FANCD2: variants seen among roughly 807,000 people sequenced by gnomAD.
FANCD2 encodes the protein FA complementation group D2.
FANCD2 carries 131 observed loss-of-function variants against 192.3 expected under a neutral mutation model. The observed-to-expected ratio is 0.68, with a 90% CI of 0.59 to 0.79. The LOEUF (loss-of-function observed/expected upper bound fraction) is 0.79. Ranked by LOEUF, FANCD2 falls within the 30% of genes least tolerant of loss-of-function variation. FANCD2 has a pLI of 0.00. For missense variants in FANCD2, 1,508 were observed against 1,701.6 expected, an observed-to-expected ratio of 0.89 and a Z score of 2.00; for synonymous variants, 524 against 612.5, an observed-to-expected ratio of 0.86 and a Z score of 2.13.
rs372639953 is a variant in FANCD2 at position 10,041,905 on chromosome 3, GT to G, written c.783+206del. Among the ~76,000 whole-genome samples the G allele has an allele frequency of 0.13, 18,665 of 138,318 alleles. 1,911 individuals carry two copies. Among genetic ancestry groups the G allele is most frequent in the African/African-American group, 0.3 (11,410 of 38,098 alleles). 90.7% of individuals were successfully genotyped at this position (138,318 alleles called of 152,430 possible). A position where few individuals can be genotyped will look rare whatever the true frequency, so the allele number is the denominator to read the frequency against. On this transcript the variant is annotated intron_variant, in intron 10 of 43. Coordinates refer to ENST00000675286, the MANE Select transcript of FANCD2 (RefSeq NM_001018115.3). ...TATTCTATGGTAGAGTCACAGGTCTGTTTTTTTTTTTGAGACGGAGTATCAC... is the reference window on the plus strand; with the variant it reads ...TATTCTATGGTAGAGTCACAGGTCTGTTTTTTTTTTGAGACGGAGTATCAC...
chr3:10,096,569 C>A (rs2125095958), intron 42 of FANCD2, 97 bp downstream of exon 42: 1 of 1,120,224 alleles, frequency 8.9e-7, no homozygotes, highest in Non-Finnish European at 1.4e-6. Context: ...CCTCGTCTCT[C>A]AGTAAGGCTA....
chr3:10,056,583 G>A lies in FANCD2; in HGVS notation c.1657-3711G>A, dbSNP rs577209479. On this transcript the variant is annotated intron_variant, in intron 18 of 43. Coordinates refer to ENST00000675286, the MANE Select transcript of FANCD2 (RefSeq NM_001018115.3). Reference sequence around the variant, plus strand: ...GTCTTATTCTGTTACCCAAGCTGCAGTGCAGTGGCGTGATCATACTTCACT... The same window carrying A: ...GTCTTATTCTGTTACCCAAGCTGCAATGCAGTGGCGTGATCATACTTCACT... Among the ~76,000 whole-genome samples the A allele has an allele frequency of 1.5e-3, 232 of 152,046 alleles. 2 individuals carry two copies. Among genetic ancestry groups the A allele is most frequent in the African/African-American group, 5.5e-3 (229 of 41,468 alleles).
chr3:10,076,314 G>A (rs572252903), intron 29 of FANCD2, among the ~76,000 whole-genome samples: 6 of 151,498 alleles, frequency 4.0e-5, no homozygotes, highest in Admixed American at 3.3e-4. Flanking sequence ...CCTGTGTGTG[G>A]CATTCAAAGT....
intron 2 of FANCD2, among the ~76,000 whole-genome samples, chr3:10,031,035 C>A (rs920185021): frequency 6.6e-6 from 1 of 152,170 alleles, no homozygotes; most frequent in African/African-American, 2.4e-5. Context: ...AAATGTTATA[C>A]TTTGGAAATA....
At position 10,041,672 on chromosome 3, in the gene FANCD2, C is replaced by G; in HGVS notation, c.745C>G (p.Leu249Val). The G allele has an allele frequency of 1.2e-6, 2 of 1,613,860 alleles. No individual in the cohort carries two copies. Among genetic ancestry groups the G allele is most frequent in the South Asian group, 1.1e-5 (1 of 91,058 alleles). The change falls in exon 10 of 44, where the codon CTT becomes GTT. Residue 249 changes from leucine (L) to valine (V), a missense_variant. Physicochemically the swap from Leu to Val is conservative, Grantham distance 32 (BLOSUM62 1). Coordinates refer to ENST00000675286, the MANE Select transcript of FANCD2 (RefSeq NM_001018115.3). ...ACTCACTGTCCCAATCCTGGATGTC[C>G]TTTCAAGCCTCCGACTTGACCCAAA... ...TSLTVPILDV[L>V]SSLRLDPNFL...
chr3:10,052,720 C>T (rs369737008), intron 18 of FANCD2, among the ~76,000 whole-genome samples: 2 of 151,858 alleles, frequency 1.3e-5, no homozygotes, highest in African/African-American at 4.8e-5. Flanking sequence ...GGGCGAAGGA[C>T]ATGAACAGAC....
intron 2 of FANCD2, among the ~76,000 whole-genome samples, chr3:10,030,450 T>C (rs981876626): frequency 5.9e-5 from 9 of 152,166 alleles, no homozygotes; most frequent in African/African-American, 1.9e-4. Flanking sequence ...TTCTACTGAC[T>C]TGTGGATTGA....
chr3:10,081,379 G>C lies in FANCD2; in HGVS notation c.3139G>C (p.Gly1047Arg). The C allele has an allele frequency of 6.2e-7, 1 of 1,614,074 alleles. No homozygotes were observed. The highest frequency in any genetic ancestry group is 8.5e-7 in the Non-Finnish European group (1 of 1,179,930). ...LAAENHGVVD[G>R]PGVKVQEYHI... Reference sequence around the variant, plus strand: ...TGCTGAGAATCACGGTGTAGTTGATGGACCAGGAGTGAAAGTTCAGGAGTA... The same window carrying C: ...TGCTGAGAATCACGGTGTAGTTGATCGACCAGGAGTGAAAGTTCAGGAGTA... The change falls in exon 32 of 44, where the codon GGA (glycine) becomes CGA (arginine). Residue 1047 changes from glycine to arginine, a missense_variant. Physicochemically the swap from Gly to Arg is moderately radical, Grantham distance 125. Around this residue, in one of 5 missense-constraint regions of FANCD2, gnomAD observed 796 missense variants for 879.4 expected, o/e 0.91. Transcript: ENST00000675286.
chr3:10,073,697 T>C (rs1693379081), intron 28 of FANCD2, among the ~76,000 whole-genome samples: 1 of 152,234 alleles, frequency 6.6e-6, no homozygotes, highest in East Asian at 1.9e-4. Flanking sequence ...TAGAATGAGT[T>C]TCATGTGTTT....
At chr3:10,063,689 G>C in intron 20 of FANCD2, 103 bp from the exon 21 acceptor site, 8 of 1,468,032 alleles carry the variant, frequency 5.4e-6, no homozygotes, top group Non-Finnish European at 7.6e-6. Context: ...ATAGAGCTTT[G>C]CCAGTAAAAT....
At chr3:10,095,663 C>G (rs1177936037) in intron 41 of FANCD2, among the ~76,000 whole-genome samples, 4 of 152,192 alleles carry the variant, frequency 2.6e-5, no homozygotes, top group African/African-American at 9.7e-5. Flanking sequence ...CACTTACTTT[C>G]AAGGAACTCA....
At chr3:10,053,217 T>C (rs2125013158) in intron 18 of FANCD2, among the ~76,000 whole-genome samples, 1 of 150,992 alleles carries the variant, frequency 6.6e-6, no homozygotes. Context: ...GATGAGTTCA[T>C]GTCCTTTGTA....
At chr3:10,051,883 G>A (rs1446847809) in intron 17 of FANCD2, among the ~76,000 whole-genome samples, 1 of 152,104 alleles carries the variant, frequency 6.6e-6, no homozygotes, top group Admixed American at 6.6e-5. Context: ...GTTTCCTTGT[G>A]ACTCCTTCCA....
chr3:10,061,713 A>G (rs972211098), intron 19 of FANCD2, among the ~76,000 whole-genome samples: 1 of 152,194 alleles, frequency 6.6e-6, no homozygotes, highest in Non-Finnish European at 1.5e-5. Flanking sequence ...TATATAGGAT[A>G]ACCATCCTTT....
In FANCD2 at chr3:10,092,268, G is replaced by A. The variant is rs767163581; in HGVS notation, c.3849+16G>A. ...CTTGATAAAGGTGAGTATGGAGACT[G>A]CTTGACACATCTCACCAAATAACTG... On this transcript the variant is annotated intron_variant, in intron 38 of 43. Coordinates refer to ENST00000675286, the MANE Select transcript of FANCD2 (RefSeq NM_001018115.3). 2 of 1,581,062 alleles carry A rather than the reference G, an allele frequency of 1.3e-6. No homozygotes were observed. Among genetic ancestry groups the A allele is most frequent in the South Asian group, 1.1e-5 (1 of 90,372 alleles).
At chr3:10,041,460 G>T in intron 9 of FANCD2, 163 bp from the exon 10 acceptor site, 2 of 579,880 alleles carry the variant, frequency 3.4e-6, no homozygotes, top group Non-Finnish European at 6.2e-6. Context: ...ATTATTTTTT[G>T]CAGTCAAAAC....
chr3:10,085,758 A>G, intron 32 of FANCD2, 54 bp from the exon 33 acceptor site: 1 of 1,122,036 alleles, frequency 8.9e-7, no homozygotes, highest in African/African-American at 1.5e-5. Flanking sequence ...CTTAAATACT[A>G]TCCAAGTAGT....
chr3:10,036,787 C>A (rs1157090018), intron 7 of FANCD2, among the ~76,000 whole-genome samples: 2 of 151,858 alleles, frequency 1.3e-5, no homozygotes, highest in African/African-American at 2.4e-5. Flanking sequence ...AAGAGGGTAG[C>A]CAGTTGGTTG....
At position 10,101,377 on chromosome 3, in the gene FANCD2, CTTTTTTTT is replaced by C. The variant is rs950337384; in HGVS notation, c.*133_*140del. On this transcript the variant is annotated 3_prime_UTR_variant, in exon 44 of 44. Transcript: ENST00000675286. ...ACTGGTAGGATCCTTTTTTGTTCCT[CTTTTTTTT>C]TTTTTTTTTTTTTTTTTAAAGACGG... The C allele has an allele frequency of 1.2e-4, 48 of 388,510 alleles. No individual in the cohort carries two copies. Among genetic ancestry groups the C allele is most frequent in the African/African-American group, 3.0e-4 (10 of 33,784 alleles). The allele number at this position is 388,510 out of a possible 1,614,324, so 24.1% of individuals were successfully genotyped here.
Sources: allele counts gnomAD v4.1 joint callset (sites outside exome capture counted in the v4.1 genomes callset), GRCh38; gene constraint gnomAD v4.1.1; regional missense constraint gnomAD v4.1.1; transcripts MANE v1.5; gene names NCBI Gene and HGNC (gene_info 2026-07-23, HGNC 2026-07-21).